Variants in SP140 observed in about 807,000 individuals in gnomAD.
SP140 encodes nuclear body protein SP140.
SP140 carries 81 observed loss-of-function variants against 125.0 expected under a neutral mutation model. That is an observed-to-expected ratio of 0.65 (90% CI 0.54 to 0.78). The LOEUF (loss-of-function observed/expected upper bound fraction) is 0.78. Ranked by LOEUF, SP140 falls within the 30% of genes least tolerant of loss-of-function variation. The pLI is 0.00. For missense variants in SP140, 858 were observed against 1,037.0 expected (o/e 0.83, Z 2.37); for synonymous variants, 312 against 354.0 (o/e 0.88, Z 1.33).
At position 230,310,534 on chromosome 2, in the gene SP140, C is replaced by G. The variant is rs937748706; in HGVS notation, c.2175-209C>G. The G allele has an allele frequency of 1.8e-5, 21 of 1,185,264 alleles. No individual in the cohort carries two copies. The African/African-American group carries it at 2.0e-4, about 11-fold the overall frequency. The allele number at this position is 1,185,264 out of a possible 1,614,324, so 73.4% of individuals were successfully genotyped here. A position where few individuals can be genotyped will look rare whatever the true frequency, so the allele number is the denominator to read the frequency against. On this transcript the variant is annotated intron_variant, in intron 23 of 26. Transcript: ENST00000392045. ...ACACTCACGGTGACACCACCTTCCT[C>G]AGACTTCCTGCCTGCTGCTACCACT...
Position 230,217,147 on chromosome 2 carries a change from G to C in SP140, c.-91+3073G>C, listed in dbSNP as rs553564656. Among the ~76,000 whole-genome samples the C allele has an allele frequency of 7.2e-5, 11 of 151,752 alleles. No individual in the cohort carries two copies. In the East Asian group the frequency reaches 2.1e-3, roughly 29 times the overall value. On this transcript the variant is annotated intron_variant, in intron 3 of 4. Transcript: ENST00000456542. ...TGTAGTCCCAGCTACTTGGGAGGCT[G>C]AGGCGGGAAAATTGCTTGAACCGGG... is the stretch of plus-strand genomic sequence containing the variant.
chr2:230,231,085 A>C (rs891538282), intron 1 of SP140, among the ~76,000 whole-genome samples: 1 of 151,754 alleles, frequency 6.6e-6, no homozygotes, highest in Non-Finnish European at 1.5e-5. Context: ...ATTGTTTTTC[A>C]TTTCTAGCAT....
intron 12 of SP140, among the ~76,000 whole-genome samples, chr2:230,256,671 T>TA (rs1199851004): frequency 6.6e-6 from 1 of 152,024 alleles, no homozygotes; most frequent in South Asian, 2.1e-4. Context: ...TAAAGTATAA[T>TA]AAAAAAAATT....
upstream of SP140, among the ~76,000 whole-genome samples, chr2:230,224,602 G>A (rs1460536281): frequency 6.6e-6 from 1 of 152,162 alleles, no homozygotes; most frequent in Non-Finnish European, 1.5e-5. Flanking sequence ...CCAGATTGGT[G>A]TTTGTTCCTT....
At chr2:230,269,980 G>A (rs1306872709) in intron 14 of SP140, 27 bp downstream of exon 14, 3 of 1,528,422 alleles carry the variant, frequency 2.0e-6, no homozygotes, top group African/African-American at 2.7e-5. Context: ...GCCGTGGGAT[G>A]GGGGTGGCTC....
intron 23 of SP140, chr2:230,310,487 T>C: frequency 1.3e-6 from 1 of 795,392 alleles, no homozygotes; most frequent in Non-Finnish European, 2.0e-6. Context: ...TCCCAGCAGC[T>C]CAGACAGAGA....
intron 1 of SP140, chr2:230,212,858 G>A (rs1228083026): frequency 1.2e-6 from 2 of 1,613,996 alleles, no homozygotes; most frequent in African/African-American, 1.3e-5. Flanking sequence ...TTTGCTGGGA[G>A]GATGTTCCAG....
At chr2:230,201,963 T>G (rs2043228906), upstream of SP140, among the ~76,000 whole-genome samples, 1 of 152,222 alleles carries the variant, frequency 6.6e-6, no homozygotes, top group Admixed American at 6.5e-5. Context: ...TAGATATCTG[T>G]GTAAGGCCAG....
At chr2:230,189,917 C>T in the SP140 span, among the ~76,000 whole-genome samples, 1 of 152,160 alleles carries the variant, frequency 6.6e-6, no homozygotes, top group Non-Finnish European at 1.5e-5. Context: ...TGTATATGTA[C>T]CACATATTCT....
chr2:230,237,083 G>A lies in SP140; in HGVS notation c.60G>A (p.Arg20=). The change falls in exon 2 of 27, where the codon AGG becomes AGA. Residue 20 remains arginine (R), a splice_region_variant and synonymous_variant. Transcript: ENST00000392045. The surrounding 1 kb of genome is among the most constrained non-coding windows in gnomAD (Gnocchi z 5.4). ...MASGDSNLNF[R]MVAEIQNVEG... is the part of the protein sequence containing the mutation. Reference sequence around the variant, plus strand: ...TCCACGTTGTATCTTTGTTTCTTAGGATGGTCGCAGAGATCCAGAACGTAG... The same window carrying A: ...TCCACGTTGTATCTTTGTTTCTTAGAATGGTCGCAGAGATCCAGAACGTAG... The A allele has an allele frequency of 1.3e-6, 2 of 1,568,060 alleles. No individual in the cohort carries two copies. The highest frequency in any genetic ancestry group is 1.2e-5 in the South Asian group (1 of 84,804).
At chr2:230,245,229 G>A in intron 6 of SP140, 149 bp downstream of exon 6, 1 of 580,556 alleles carries the variant, frequency 1.7e-6, no homozygotes, top group Non-Finnish European at 3.1e-6. Flanking sequence ...GGAGGCAAGA[G>A]GTAAAGGACG....
At chr2:230,226,907 TA>T (rs1299974763) in intron 1 of SP140, among the ~76,000 whole-genome samples, 2 of 152,034 alleles carry the variant, frequency 1.3e-5, no homozygotes, top group South Asian at 2.1e-4. Flanking sequence ...AAAAGTAATA[TA>T]AAAATTTAAA....
intron 12 of SP140, among the ~76,000 whole-genome samples, chr2:230,261,302 T>C (rs1364237587): frequency 6.6e-6 from 1 of 152,172 alleles, no homozygotes; most frequent in Non-Finnish European, 1.5e-5. Flanking sequence ...ACATTAATCG[T>C]GTATCCAGAA....
Position 230,237,203 on chromosome 2 carries a change from A to G in SP140, c.180A>G (p.Pro60=). ...KVEIASAITR[P]FPFLMGLRDR... ...AGATTGCAAGTGCAATAACAAGGCC[A>G]TTTCCTTTCCTTATGGGCCTCCGAG... Residue 60 remains proline (P), a synonymous_variant, in exon 2 of 27, where the codon CCA becomes CCG. Transcript: ENST00000392045. The surrounding 1 kb of genome is among the most constrained non-coding windows in gnomAD (Gnocchi z 5.4). The G allele has an allele frequency of 6.2e-7, 1 of 1,613,076 alleles. No individual in the cohort carries two copies. The highest frequency in any genetic ancestry group is 8.5e-7 in the Non-Finnish European group (1 of 1,179,702).
chr2:230,276,278 C>G (rs2054696145), intron 15 of SP140, among the ~76,000 whole-genome samples: 1 of 152,146 alleles, frequency 6.6e-6, no homozygotes, highest in East Asian at 1.9e-4. Flanking sequence ...TTGTTAGAAG[C>G]TAAGGCAGCA....
chr2:230,308,028 C>G (rs1004218976), intron 22 of SP140, among the ~76,000 whole-genome samples: 1 of 146,206 alleles, frequency 6.8e-6, no homozygotes, highest in Non-Finnish European at 1.5e-5. Context: ...GAGACACACA[C>G]ACACACACAC....
Position 230,307,966 on chromosome 2 carries a change from TATATATATATATATATATATATATAC to T in SP140, c.2059-1956_2059-1931del, listed in dbSNP as rs1480342987. Among the ~76,000 whole-genome samples, 4 of 72,928 alleles carry T rather than the reference TATATATATATATATATATATATATAC, an allele frequency of 5.5e-5. No individual in the cohort carries two copies. The South Asian group carries it at 1.7e-3, about 31-fold the overall frequency. 47.8% of individuals were successfully genotyped at this position (72,928 alleles called of 152,430 possible). ...ACTTGGACATGCATGTATATATATATATATATATATATATATATATATATACACACACACACACACACACACACACA... is the reference window on the plus strand; with the variant it reads ...ACTTGGACATGCATGTATATATATATACACACACACACACACACACACACA... On this transcript the variant is annotated intron_variant, in intron 22 of 26. Transcript: ENST00000392045.
intron 1 of SP140, among the ~76,000 whole-genome samples, chr2:230,228,052 C>T (rs1454788516): frequency 1.3e-5 from 2 of 152,084 alleles, no homozygotes; most frequent in Non-Finnish European, 1.5e-5. Flanking sequence ...TAATACTATA[C>T]ATTTCCTTCT....
chr2:230,225,956 T>G lies in SP140; in HGVS notation c.59+53T>G, dbSNP rs115468851. 3,365 of 1,410,086 alleles carry G rather than the reference T, an allele frequency of 2.4e-3. 59 individuals carry two copies. The African/African-American group carries it at 0.035, about 15-fold the overall frequency. The allele number at this position is 1,410,086 out of a possible 1,614,324, so 87.3% of individuals were successfully genotyped here. On this transcript the variant is annotated intron_variant, in intron 1 of 26. Coordinates refer to ENST00000392045, the MANE Select transcript of SP140 (RefSeq NM_007237.5). ...TCCTTCATCTCTGGTAGGGTTCCCT[T>G]TCATACTTGTTATTTAATGTCTACC...
Sources: allele counts gnomAD v4.1 joint callset (sites outside exome capture counted in the v4.1 genomes callset), GRCh38; gene constraint gnomAD v4.1.1; non-coding constraint Gnocchi (gnomAD v3.1); transcripts MANE v1.5; gene names NCBI Gene and HGNC (gene_info 2026-07-23, HGNC 2026-07-21).